The following RBBP6 variants were observed in gnomAD, a reference collection of about 807,000 sequenced individuals.
RBBP6 encodes RB binding protein 6, ubiquitin ligase.
In RBBP6, 25 loss-of-function variants were observed where a neutral mutation model predicts 167.7. That is an observed-to-expected ratio of 0.15 (90% CI 0.11 to 0.21). RBBP6 has a LOEUF of 0.21. Ranked by LOEUF, RBBP6 falls within the 10% of genes least tolerant of loss-of-function variation. RBBP6 has a pLI of 1.00. For missense variants in RBBP6, 1,868 were observed against 2,134.2 expected, an observed-to-expected ratio of 0.88 and a Z score of 2.46; for synonymous variants, 789 against 735.8, an observed-to-expected ratio of 1.07 and a Z score of -1.17.
At position 24,567,225 on chromosome 16, in the gene RBBP6, C is replaced by T; in HGVS notation, c.1672C>T (p.Pro558Ser). 6.2e-7 allele frequency: 1 copy of T among 1,614,068 alleles called. No homozygotes were observed. The highest frequency in any genetic ancestry group is 8.5e-7 in the Non-Finnish European group (1 of 1,179,950). ...PSLPATPVFV[P>S]VPPPPLYPPP... ...ACTACCAGCAACTCCAGTCTTTGTA[C>T]CTGTTCCACCACCTCCTTTGTATCC... The change falls in exon 15 of 18, where the codon CCT becomes TCT. Residue 558 changes from proline (P) to serine (S), a missense_variant. This residue lies in a region of RBBP6 where 145 missense variants were observed against 224.3 expected (regional missense o/e 0.65). Transcript: ENST00000319715.
At chr16:24,551,923 T>C (rs2141461866) in intron 3 of RBBP6, among the ~76,000 whole-genome samples, 1 of 151,874 alleles carries the variant, frequency 6.6e-6, no homozygotes, top group East Asian at 1.9e-4. Flanking sequence ...ATTGAGTAGG[T>C]CAGAACTTAT....
At chr16:24,570,609 T>G in intron 17 of RBBP6, 110 bp downstream of exon 17, 1 of 1,044,842 alleles carries the variant, frequency 9.6e-7, no homozygotes, top group Non-Finnish European at 1.3e-6. Flanking sequence ...TCTAGGGAAG[T>G]AGGCTGGTTT....
chr16:24,571,545 A>C lies in RBBP6; in HGVS notation c.4479A>C (p.Glu1493Asp). 1 of 1,613,608 alleles carries C rather than the reference A, an allele frequency of 6.2e-7. No homozygotes were observed. The highest frequency in any genetic ancestry group is 8.5e-7 in the Non-Finnish European group (1 of 1,179,834). Residue 1493 changes from glutamate to aspartate, a missense_variant, in exon 18 of 18, where the codon GAA (glutamate) becomes GAC (aspartate). Coordinates refer to ENST00000319715, the MANE Select transcript of RBBP6 (RefSeq NM_006910.5). ...SSSKRRDEKN[E>D]LTRRKDSPSR... ...CCAAACGTAGAGATGAAAAGAATGA[A>C]TTAACAAGACGAAAAGACTCTCCTT...
rs201540318 is a variant in RBBP6 at position 24,572,159 on chromosome 16, T to G, written c.5093T>G (p.Val1698Gly). 5.0e-5 allele frequency: 81 copies of G among 1,613,574 alleles called. No homozygotes were observed. Among genetic ancestry groups the G allele is most frequent in the Non-Finnish European group, 6.5e-5 (77 of 1,179,760 alleles). The part of the protein sequence containing the change: ...SRNQSHSSPS[V>G]SPSRSHSPSG... The stretch of plus-strand genomic sequence containing the variant: ...AATCAGAGCCACAGCAGCCCCAGCG[T>G]CAGCCCCAGCAGAAGCCACAGTCCT... Residue 1698 changes from valine (V) to glycine (G), a missense_variant, in exon 18 of 18, where the codon GTC becomes GGC. This residue lies in a region of RBBP6 where 591 missense variants were observed against 540.5 expected (regional missense o/e 1.09). Transcript: ENST00000319715.
chr16:24,562,571 G>A (rs1012642788), intron 10 of RBBP6, among the ~76,000 whole-genome samples: 3 of 151,882 alleles, frequency 2.0e-5, no homozygotes, highest in African/African-American at 7.3e-5. Context: ...GAGAAGTCAG[G>A]AATAGTGATT....
At chr16:24,549,022 T>G in intron 3 of RBBP6, 41 bp downstream of exon 3, 1 of 1,600,556 alleles carries the variant, frequency 6.2e-7, no homozygotes, top group Non-Finnish European at 8.5e-7. Context: ...TACACATTGC[T>G]TTTACCTTTA....
rs754331926 is a variant in RBBP6, at chr16:24,540,350, G to C, written c.-277G>C. Reference sequence around the variant, plus strand: ...AGCATGAGCGAGGGGGACCCAGCCGGGTGACATTGTGCCCGTTGGCGGATT... The same window carrying C: ...AGCATGAGCGAGGGGGACCCAGCCGCGTGACATTGTGCCCGTTGGCGGATT... On this transcript the variant is annotated 5_prime_UTR_variant, in exon 1 of 18. Transcript: ENST00000319715. The C allele has an allele frequency of 6.1e-6, 2 of 325,862 alleles. No individual in the cohort carries two copies. Among genetic ancestry groups the C allele is most frequent in the Non-Finnish European group, 1.1e-5 (2 of 175,142 alleles). The allele number at this position is 325,862 out of a possible 1,614,324, so 20.2% of individuals were successfully genotyped here.
chr16:24,561,563 CTT>C (rs34473709), intron 8 of RBBP6, 47 bp from the exon 9 acceptor site: 376,453 of 1,475,116 alleles, frequency 0.26, 48,492 homozygotes, highest in Admixed American at 0.33. Context: ...TTCGTAAACA[CTT>C]TGAGTTCCTA....
rs1467975173 is a variant in RBBP6 at position 24,539,803 on chromosome 16, G to C, written c.-824G>C. On this transcript the variant is annotated 5_prime_UTR_variant, in exon 1 of 18. Coordinates refer to ENST00000319715, the MANE Select transcript of RBBP6 (RefSeq NM_006910.5). ...ATCCGGCGAGAAGAAGCGTCAGGGA[G>C]CCTCGGCGGTGTCCCCGGGGTCCGC... 2.6e-5 allele frequency: 4 copies of C among 152,232 alleles called. No homozygotes were observed. Among genetic ancestry groups the C allele is most frequent in the Admixed American group, 6.5e-5 (1 of 15,292 alleles). 9.4% of individuals were successfully genotyped at this position (152,232 alleles called of 1,614,324 possible).
intron 7 of RBBP6, 26 bp from the exon 8 acceptor site, chr16:24,559,479 T>C (rs1190587910): frequency 1.3e-6 from 2 of 1,564,888 alleles, no homozygotes; most frequent in Non-Finnish European, 1.7e-6. Context: ...TTAACAATGG[T>C]AAAACATGAA....
At chr16:24,560,417 A>G (rs974276120) in intron 8 of RBBP6, among the ~76,000 whole-genome samples, 4 of 152,106 alleles carry the variant, frequency 2.6e-5, no homozygotes, top group Admixed American at 2.0e-4. Context: ...CTGTAGACAT[A>G]TTTATTACCC....
intron 17 of RBBP6, among the ~76,000 whole-genome samples, 175 bp downstream of exon 17, chr16:24,570,674 A>G (rs1899304671): frequency 6.6e-6 from 1 of 152,266 alleles, no homozygotes; most frequent in South Asian, 2.1e-4. Context: ...AAGGTTGTAA[A>G]TAGATTTTGG....
rs1224446802 is a variant in RBBP6, at chr16:24,548,926, TTTTTA to T, written c.267-14_267-10del. ...CATAAATAGCTAATGTTAATTTTTGTTTTTATTTTGTGTTTTAGAAGTCGAACTGA... is the reference window on the plus strand; with the variant it reads ...CATAAATAGCTAATGTTAATTTTTGTTTTTGTGTTTTAGAAGTCGAACTGA... On this transcript the variant is annotated splice_polypyrimidine_tract_variant and intron_variant, in intron 2 of 17. Transcript: ENST00000319715. 3 of 1,590,676 alleles carry T rather than the reference TTTTTA, an allele frequency of 1.9e-6. No individual in the cohort carries two copies. The highest frequency in any genetic ancestry group is 1.7e-5 in the Admixed American group (1 of 58,094).
Position 24,571,556 on chromosome 16 carries a change from G to T in RBBP6, c.4490G>T (p.Arg1497Leu). The stretch of plus-strand genomic sequence containing the variant: ...GATGAAAAGAATGAATTAACAAGAC[G>T]AAAAGACTCTCCTTCTCGGAATAAA... ...RRDEKNELTR[R>L]KDSPSRNKDS... Residue 1497 changes from arginine (R) to leucine (L), a missense_variant, in exon 18 of 18, where the codon CGA (arginine) becomes CTA (leucine). Arg to Leu is a moderately radical substitution (Grantham distance 102). This residue lies in a region of RBBP6 where 591 missense variants were observed against 540.5 expected (regional missense o/e 1.09). Coordinates refer to ENST00000319715, the MANE Select transcript of RBBP6 (RefSeq NM_006910.5). 6.2e-7 allele frequency: 1 copy of T among 1,613,274 alleles called. No individual in the cohort carries two copies. Among genetic ancestry groups the T allele is most frequent in the South Asian group, 1.1e-5 (1 of 90,840 alleles).
At chr16:24,549,960 TAGC>T (rs1464345302) in intron 3 of RBBP6, among the ~76,000 whole-genome samples, 2 of 151,998 alleles carry the variant, frequency 1.3e-5, no homozygotes, top group African/African-American at 2.4e-5. Context: ...AAGTAAAAAG[TAGC>T]AGCATTCCTA....
chr16:24,560,555 C>G (rs1389030927), intron 8 of RBBP6, among the ~76,000 whole-genome samples: 2 of 152,188 alleles, frequency 1.3e-5, no homozygotes, highest in African/African-American at 2.4e-5. Context: ...TTTGCTCAAG[C>G]CTGCTCTGGC....
chr16:24,555,270 T>C (rs1898887132), intron 4 of RBBP6: 1 of 172,788 alleles, frequency 5.8e-6, no homozygotes, highest in African/African-American at 2.4e-5. Context: ...TTAGTCTTAA[T>C]GCTCTGACAC....
At chr16:24,570,600 C>T in intron 17 of RBBP6, 101 bp downstream of exon 17, 1 of 1,099,174 alleles carries the variant, frequency 9.1e-7, no homozygotes, top group Non-Finnish European at 1.2e-6. Context: ...GAATGCTGAT[C>T]TAGGGAAGTA....
intron 14 of RBBP6, among the ~76,000 whole-genome samples, chr16:24,565,699 G>T (rs1439198944): frequency 1.3e-5 from 2 of 152,156 alleles, no homozygotes; most frequent in African/African-American, 4.8e-5. Flanking sequence ...ACAGCTCCCT[G>T]GTGCCAAAAC....
Sources: gnomAD v4.1 joint callset for allele counts (sites outside exome capture counted in the v4.1 genomes callset) on GRCh38, gnomAD v4.1.1 for gene constraint, gnomAD v4.1.1 regional missense constraint, MANE v1.5 for transcripts, NCBI Gene and HGNC (gene_info 2026-07-23, HGNC 2026-07-21) for gene names.